The following TMPRSS15 variants were observed in gnomAD, a reference collection of about 807,000 sequenced individuals.
TMPRSS15 encodes the protein transmembrane serine protease 15.
In TMPRSS15, 128 loss-of-function variants were observed where a neutral mutation model predicts 125.3. The ratio of observed to expected loss-of-function variants is 1.02; its 90% CI spans 0.89 to 1.18. The LOEUF is 1.18. Among genes scored for constraint, TMPRSS15 ranks in the 50% most tolerant of loss-of-function variants. TMPRSS15 has a pLI of 0.00. For synonymous variants in TMPRSS15, 446 were observed against 423.2 expected (o/e 1.05, Z -0.66); for missense variants, 1,283 against 1,212.7 (o/e 1.06, Z -0.86).
chr21:18,275,059 A>G (rs2074603366), intron 24 of TMPRSS15, 138 bp downstream of exon 24: 1 of 1,190,760 alleles, frequency 8.4e-7, no homozygotes, highest in Non-Finnish European at 1.2e-6. Context: ...GATTACGCAA[A>G]TAGGCAAAAA....
At chr21:18,383,016 A>T (rs1036870500) in intron 4 of TMPRSS15, among the ~76,000 whole-genome samples, 3 of 152,138 alleles carry the variant, frequency 2.0e-5, no homozygotes, top group Non-Finnish European at 4.4e-5. Context: ...GATCAAACTC[A>T]TTGACTCTAC....
chr21:18,360,569 G>A (rs1039219535), intron 7 of TMPRSS15, among the ~76,000 whole-genome samples: 4 of 152,144 alleles, frequency 2.6e-5, no homozygotes, highest in African/African-American at 9.6e-5. Context: ...CCTTTGTGTT[G>A]TCTTAGCACC....
At chr21:18,395,935 A>G (rs1329618606) in intron 3 of TMPRSS15, among the ~76,000 whole-genome samples, 2 of 152,176 alleles carry the variant, frequency 1.3e-5, no homozygotes, top group African/African-American at 4.8e-5. Flanking sequence ...TCTGCTATTG[A>G]GCTTGTACAT....
At chr21:18,329,636 T>C (rs2075325586) in intron 14 of TMPRSS15, among the ~76,000 whole-genome samples, 1 of 151,498 alleles carries the variant, frequency 6.6e-6, no homozygotes, top group South Asian at 2.1e-4. Flanking sequence ...AAAATTATAG[T>C]TTCATTTATT....
intron 1 of TMPRSS15, among the ~76,000 whole-genome samples, chr21:18,420,847 C>T (rs1002942079): frequency 2.6e-5 from 4 of 152,100 alleles, no homozygotes; most frequent in African/African-American, 7.2e-5. Context: ...TAGGCTTTCT[C>T]CGTTCAACCC....
chr21:18,472,621 T>C (rs771475680), intron 1 of TMPRSS15, among the ~76,000 whole-genome samples: 2 of 151,924 alleles, frequency 1.3e-5, no homozygotes, highest in Non-Finnish European at 2.9e-5. Flanking sequence ...TCTAAATTAT[T>C]GGTACAGGTT....
intron 8 of TMPRSS15, among the ~76,000 whole-genome samples, chr21:18,355,633 T>C (rs1385576076): frequency 1.3e-5 from 2 of 151,806 alleles, no homozygotes; most frequent in African/African-American, 2.4e-5. Context: ...GATTGAGTCT[T>C]GGTTCCATGT....
intron 10 of TMPRSS15, 82 bp from the exon 11 acceptor site, chr21:18,344,142 GA>G: frequency 8.5e-7 from 1 of 1,180,826 alleles, no homozygotes; most frequent in Non-Finnish European, 1.3e-6. Context: ...AAGCAGGAAA[GA>G]AAAACTTTAA....
chr21:18,332,859 A>T (rs1410735809), intron 13 of TMPRSS15, among the ~76,000 whole-genome samples: 1 of 152,216 alleles, frequency 6.6e-6, no homozygotes, highest in Admixed American at 6.5e-5. Flanking sequence ...TCCATCAATG[A>T]TAGACTGACT....
intron 21 of TMPRSS15, among the ~76,000 whole-genome samples, chr21:18,282,608 A>G (rs1241337553): frequency 6.6e-6 from 1 of 152,214 alleles, no homozygotes; most frequent in Non-Finnish European, 1.5e-5. Flanking sequence ...TCAGTAAAGC[A>G]TCCACTGACA....
At chr21:18,349,697 A>G (rs944528553) in intron 10 of TMPRSS15, among the ~76,000 whole-genome samples, 4 of 152,154 alleles carry the variant, frequency 2.6e-5, no homozygotes, top group Non-Finnish European at 5.9e-5. Flanking sequence ...ATTAAATCCT[A>G]TCATCTGTCC....
intron 1 of TMPRSS15, among the ~76,000 whole-genome samples, chr21:18,402,705 A>G (rs1169631993): frequency 6.6e-6 from 1 of 152,166 alleles, no homozygotes; most frequent in Non-Finnish European, 1.5e-5. Flanking sequence ...GATGGACTAT[A>G]AGTTCCAGAG....
intron 13 of TMPRSS15, among the ~76,000 whole-genome samples, chr21:18,340,846 A>G (rs2075438744): frequency 6.6e-6 from 1 of 152,152 alleles, no homozygotes; most frequent in South Asian, 2.1e-4. Context: ...CAGCTCCTTT[A>G]TTACTTTCAA....
upstream of TMPRSS15, among the ~76,000 whole-genome samples, chr21:18,405,798 A>G (rs185113775): frequency 3.2e-4 from 48 of 152,330 alleles, no homozygotes; most frequent in African/African-American, 1.2e-3. Context: ...AGAAGAAAAT[A>G]TAGAAGAATG....
chr21:18,381,232 G>A (rs891347556), intron 4 of TMPRSS15, among the ~76,000 whole-genome samples: 1 of 152,040 alleles, frequency 6.6e-6, no homozygotes, highest in Non-Finnish European at 1.5e-5. Flanking sequence ...TAACTAGGTG[G>A]TTTATTTCAG....
Position 18,313,000 on chromosome 21 carries a change from C to A in TMPRSS15, c.2110G>T (p.Ala704Ser). The A allele has an allele frequency of 6.2e-7, 1 of 1,614,030 alleles. No individual in the cohort carries two copies. The highest frequency in any genetic ancestry group is 8.5e-7 in the Non-Finnish European group (1 of 1,179,960). Residue 704 changes from alanine (A) to serine (S), a missense_variant, in exon 18 of 25, where the codon GCT becomes TCT. Ala to Ser is a moderately conservative substitution (Grantham distance 99). Coordinates refer to ENST00000284885, the MANE Select transcript of TMPRSS15 (RefSeq NM_002772.3). ...RIQSIWHTAC[A>S]ENWTTQISND... ...GAAATCTGGGTGGTCCAGTTCTCAG[C>A]ACAAGCTGTATGCCATATGCTCTGG... is the stretch of plus-strand genomic sequence containing the variant.
chr21:18,367,995 C>T (rs1250104192), intron 6 of TMPRSS15, among the ~76,000 whole-genome samples: 1 of 152,006 alleles, frequency 6.6e-6, no homozygotes, highest in Non-Finnish European at 1.5e-5. Context: ...AAAGAAGAAA[C>T]AGAAAATTTT....
intron 7 of TMPRSS15, among the ~76,000 whole-genome samples, chr21:18,362,538 A>G (rs2075687907): frequency 6.6e-6 from 1 of 152,156 alleles, no homozygotes; most frequent in South Asian, 2.1e-4. Context: ...ACTTCCAATA[A>G]AACCACAGGG....
At chr21:18,484,688 T>C (rs534201297) in intron 1 of TMPRSS15, among the ~76,000 whole-genome samples, 2 of 151,952 alleles carry the variant, frequency 1.3e-5, no homozygotes, top group East Asian at 3.9e-4. Context: ...AGAATTATCT[T>C]TTAATAAAGA....
Sources: gnomAD v4.1 joint callset for allele counts (sites outside exome capture counted in the v4.1 genomes callset) on GRCh38, gnomAD v4.1.1 for gene constraint, MANE v1.5 for transcripts, NCBI Gene and HGNC (gene_info 2026-07-23, HGNC 2026-07-21) for gene names.